NDC80: variants seen among roughly 807,000 people sequenced by gnomAD.
NDC80 encodes the protein kinetochore protein NDC80 homolog.
A neutral mutation model predicts 89.3 loss-of-function variants in NDC80; 69 were observed. That is an observed-to-expected ratio of 0.77 (90% CI 0.64 to 0.94). NDC80 has a LOEUF of 0.94. Ranked by LOEUF, NDC80 falls within the 40% of genes least tolerant of loss-of-function variation. The pLI is 0.00. For missense variants in NDC80, 593 were observed against 739.6 expected (o/e 0.80, Z 2.30); for synonymous variants, 243 against 255.6 (o/e 0.95, Z 0.47).
intron 16 of NDC80, among the ~76,000 whole-genome samples, chr18:2,614,616 A>G (rs1258388792): frequency 5.3e-5 from 1 of 19,030 alleles, no homozygotes; most frequent in African/African-American, 1.3e-4. Flanking sequence ...AAAGAAAGAA[A>G]GAAAGAAAGA....
intron 6 of NDC80, among the ~76,000 whole-genome samples, chr18:2,580,897 C>T (rs775958844): frequency 3.3e-5 from 5 of 151,774 alleles, no homozygotes; most frequent in Non-Finnish European, 7.4e-5. Context: ...CCCGCCATCA[C>T]ATCCGGCTAA....
intron 6 of NDC80, among the ~76,000 whole-genome samples, chr18:2,584,262 TG>T (rs1344813712): frequency 1.4e-5 from 2 of 148,096 alleles, no homozygotes; most frequent in Admixed American, 6.9e-5. Context: ...CACTCCATCC[TG>T]GGTGACAAAG....
rs1230084499 is a variant in NDC80, at chr18:2,614,611, A to G, written c.1792-1826A>G. Among the ~76,000 whole-genome samples, 2 of 6,566 alleles carry G rather than the reference A, an allele frequency of 3.0e-4. 1 individual carries two copies. Among genetic ancestry groups the G allele is most frequent in the Non-Finnish European group, 5.3e-4 (2 of 3,744 alleles). 4.3% of individuals were successfully genotyped at this position (6,566 alleles called of 152,430 possible). ...AAAGAAAGAAAGAAAGAAAGAAAGA[A>G]AGAAAGAAAGAAAGAAAGAAAGAAA... On this transcript the variant is annotated intron_variant, in intron 16 of 16. Transcript: ENST00000261597.
chr18:2,591,755 CTT>C lies in NDC80; in HGVS notation c.1015+1609_1015+1610del, dbSNP rs56126967. 2.6e-3 allele frequency among the ~76,000 whole-genome samples: 350 copies of C among 136,318 alleles called. 2 individuals carry two copies. The highest frequency in any genetic ancestry group is 3.3e-3 in the African/African-American group (125 of 37,434). The allele number at this position is 136,318 out of a possible 152,430, so 89.4% of individuals were successfully genotyped here. Reference sequence around the variant, plus strand: ...ATTTTTATAATGCAATTAATCAATACTTTTTTTTTTTTTTTTTGAGATGTAGT... The same window carrying C: ...ATTTTTATAATGCAATTAATCAATACTTTTTTTTTTTTTTTGAGATGTAGT... On this transcript the variant is annotated intron_variant, in intron 10 of 16. Transcript: ENST00000261597.
At chr18:2,609,714 G>A (rs1452268491) in intron 15 of NDC80, among the ~76,000 whole-genome samples, 4 of 152,146 alleles carry the variant, frequency 2.6e-5, no homozygotes, top group Admixed American at 6.5e-5. Flanking sequence ...GGTAGAAAGT[G>A]GGTTATCTGA....
At chr18:2,609,793 G>A (rs1260739721) in intron 15 of NDC80, among the ~76,000 whole-genome samples, 3 of 152,216 alleles carry the variant, frequency 2.0e-5, no homozygotes, top group African/African-American at 4.8e-5. Flanking sequence ...GCACTGAGTA[G>A]CTGCTGTACA....
intron 13 of NDC80, 130 bp from the exon 14 acceptor site, chr18:2,606,282 AAGT>A: frequency 4.1e-6 from 2 of 484,052 alleles, no homozygotes; most frequent in Admixed American, 4.2e-5. Context: ...GACAAATGAT[AAGT>A]GAGAGTCCAA....
At chr18:2,591,881 A>G (rs1598239528) in intron 10 of NDC80, among the ~76,000 whole-genome samples, 2 of 151,120 alleles carry the variant, frequency 1.3e-5, no homozygotes, top group African/African-American at 4.9e-5. Flanking sequence ...CAGCCTCCTG[A>G]GTAGCTGGGA....
chr18:2,587,838 G>T lies in NDC80; in HGVS notation c.678G>T (p.Leu226Phe). The T allele has an allele frequency of 6.2e-7, 1 of 1,612,724 alleles. No individual in the cohort carries two copies. The highest frequency in any genetic ancestry group is 1.1e-5 in the South Asian group (1 of 90,988). Residue 226 changes from leucine (L) to phenylalanine (F), a missense_variant, in exon 8 of 17, where the codon TTG becomes TTT. By Grantham distance (22) the Leu-to-Phe change is conservative. Transcript: ENST00000261597. ...EDGIMHNKLF[L>F]DYTIKCYESF... Reference sequence around the variant, plus strand: ...TCTGCTTAACCCCATAGTTGTTTTTGGACTACACCATAAAATGCTATGAGA... The same window carrying T: ...TCTGCTTAACCCCATAGTTGTTTTTTGACTACACCATAAAATGCTATGAGA...
At chr18:2,589,802 TG>T (rs767530189) in intron 9 of NDC80, among the ~76,000 whole-genome samples, 1 of 135,876 alleles carries the variant, frequency 7.4e-6, no homozygotes, top group Non-Finnish European at 1.5e-5. Context: ...TTTAAATATT[TG>T]TGCTTTTTCA....
chr18:2,579,145 T>C, intron 6 of NDC80, 116 bp downstream of exon 6: 2 of 521,076 alleles, frequency 3.8e-6, no homozygotes, highest in East Asian at 3.5e-5. Flanking sequence ...AGAGTTTTCA[T>C]TTTTCAAAGC....
At chr18:2,572,472 A>G (rs1218708007) in intron 1 of NDC80, among the ~76,000 whole-genome samples, 2 of 152,216 alleles carry the variant, frequency 1.3e-5, no homozygotes, top group Admixed American at 1.3e-4. Flanking sequence ...TGAGGAAACA[A>G]TGGGTTAAGG....
intron 13 of NDC80, among the ~76,000 whole-genome samples, chr18:2,603,702 CAG>C (rs1001432861): frequency 3.3e-5 from 5 of 151,908 alleles, no homozygotes; most frequent in African/African-American, 1.2e-4. Flanking sequence ...ATAGTATAAA[CAG>C]AAATTTATGT....
At chr18:2,580,731 ATTTTTTTTTTTTTT>A (rs71365186) in intron 6 of NDC80, among the ~76,000 whole-genome samples, 3 of 55,418 alleles carry the variant, frequency 5.4e-5, no homozygotes, top group Non-Finnish European at 7.0e-5. Context: ...TCACCATCAG[ATTTTTTTTTTTTTT>A]TTTTTTTTTT....
At chr18:2,573,323 C>G (rs1472301676) in intron 2 of NDC80, among the ~76,000 whole-genome samples, 1 of 152,128 alleles carries the variant, frequency 6.6e-6, no homozygotes, top group Non-Finnish European at 1.5e-5. Flanking sequence ...CCAGGCACCC[C>G]CTAAAAGGAC....
At chr18:2,598,624 A>C (rs1166321704) in intron 11 of NDC80, among the ~76,000 whole-genome samples, 2 of 152,194 alleles carry the variant, frequency 1.3e-5, no homozygotes, top group Non-Finnish European at 2.9e-5. Flanking sequence ...TATTCTACTT[A>C]TTTTGGATAC....
chr18:2,603,077 G>A (rs2072692129), intron 13 of NDC80, among the ~76,000 whole-genome samples: 1 of 152,070 alleles, frequency 6.6e-6, no homozygotes, highest in Non-Finnish European at 1.5e-5. Context: ...GTGAGATGTT[G>A]AGCTTGCTGT....
At chr18:2,592,131 T>C (rs1222479040) in intron 10 of NDC80, among the ~76,000 whole-genome samples, 1 of 152,228 alleles carries the variant, frequency 6.6e-6, no homozygotes, top group South Asian at 2.1e-4. Context: ...TACATCCTTC[T>C]TGTTCTTGTG....
intron 6 of NDC80, among the ~76,000 whole-genome samples, chr18:2,580,771 T>G (rs2072573618): frequency 8.5e-6 from 1 of 117,868 alleles, no homozygotes; most frequent in African/African-American, 3.1e-5. Flanking sequence ...GAGACGAGTC[T>G]CACTCTGTCG....
Sources: gnomAD v4.1 joint callset for allele counts (sites outside exome capture counted in the v4.1 genomes callset) on GRCh38, gnomAD v4.1.1 for gene constraint, MANE v1.5 for transcripts, NCBI Gene and HGNC (gene_info 2026-07-23, HGNC 2026-07-21) for gene names.